LRRIQ1: variants seen among roughly 807,000 people sequenced by gnomAD.
LRRIQ1 encodes the protein leucine rich repeats and IQ motif containing 1.
In LRRIQ1, 210 loss-of-function variants were observed where a neutral mutation model predicts 211.9. The ratio of observed to expected loss-of-function variants is 0.99; its 90% CI spans 0.89 to 1.11. The LOEUF (loss-of-function observed/expected upper bound fraction) is 1.11. Ranked by LOEUF, LRRIQ1 falls within the 50% of genes most tolerant of loss-of-function variation. LRRIQ1 has a pLI of 0.00. For missense variants in LRRIQ1, 2,136 were observed against 1,939.5 expected (o/e 1.10, Z -1.90); for synonymous variants, 699 against 650.1 (o/e 1.08, Z -1.14).
At chr12:85,188,472 C>A (rs1171521850) in intron 24 of LRRIQ1, among the ~76,000 whole-genome samples, 1 of 152,024 alleles carries the variant, frequency 6.6e-6, no homozygotes, top group Non-Finnish European at 1.5e-5. Flanking sequence ...ATATAAAAAC[C>A]TTTGATTGTT....
intron 24 of LRRIQ1, among the ~76,000 whole-genome samples, chr12:85,176,204 C>T (rs1463218669): frequency 6.6e-6 from 1 of 151,960 alleles, no homozygotes; most frequent in African/African-American, 2.4e-5. Context: ...TGTAGTTCTC[C>T]TTGAGGAGGT....
intron 24 of LRRIQ1, among the ~76,000 whole-genome samples, chr12:85,212,366 C>G (rs755959392): frequency 6.6e-6 from 1 of 151,924 alleles, no homozygotes; most frequent in Admixed American, 6.6e-5. Flanking sequence ...CAGAATTACT[C>G]TAGGCAAAGA....
chr12:85,040,209 A>G (rs1472137765), intron 2 of LRRIQ1, among the ~76,000 whole-genome samples: 1 of 151,654 alleles, frequency 6.6e-6, no homozygotes, highest in African/African-American at 2.4e-5. Flanking sequence ...TATTGAGGGC[A>G]TTCAAAAATA....
At chr12:85,192,441 A>AATATATAT in intron 24 of LRRIQ1, among the ~76,000 whole-genome samples, 1 of 131,136 alleles carries the variant, frequency 7.6e-6, no homozygotes, top group East Asian at 2.1e-4. Context: ...TTTATATATA[A>AATATATAT]ATGTATATAG....
intron 24 of LRRIQ1, among the ~76,000 whole-genome samples, chr12:85,228,664 A>G (rs1469273987): frequency 6.6e-6 from 1 of 152,214 alleles, no homozygotes; most frequent in Non-Finnish European, 1.5e-5. Context: ...ATTCTGAATG[A>G]CACATGCTAA....
At chr12:85,242,030 AC>A (rs1300502152) in intron 26 of LRRIQ1, among the ~76,000 whole-genome samples, 1 of 151,958 alleles carries the variant, frequency 6.6e-6, no homozygotes, top group African/African-American at 2.4e-5. Context: ...GCAATTACAA[AC>A]CTTGTAGGTA....
chr12:85,250,939 TA>T (rs1319568786), intron 1 of LRRIQ1, among the ~76,000 whole-genome samples: 1 of 104,098 alleles, frequency 9.6e-6, no homozygotes, highest in Non-Finnish European at 1.7e-5. Context: ...ATATTATATA[TA>T]ATATATTTTA....
At chr12:85,117,437 C>A (rs1887661691) in intron 15 of LRRIQ1, among the ~76,000 whole-genome samples, 1 of 152,126 alleles carries the variant, frequency 6.6e-6, no homozygotes, top group African/African-American at 2.4e-5. Flanking sequence ...CTTCATATAA[C>A]TCCAAAAAGA....
At chr12:85,089,051 C>T (rs1367018177) in intron 11 of LRRIQ1, among the ~76,000 whole-genome samples, 1 of 152,118 alleles carries the variant, frequency 6.6e-6, no homozygotes, top group Non-Finnish European at 1.5e-5. Flanking sequence ...AGTTTTTGCC[C>T]ATTCAGTGTG....
intron 17 of LRRIQ1, among the ~76,000 whole-genome samples, chr12:85,126,704 G>T (rs1240448256): frequency 6.6e-6 from 1 of 151,972 alleles, no homozygotes; most frequent in Non-Finnish European, 1.5e-5. Flanking sequence ...GCCTTCTACT[G>T]GCCTTACATA....
chr12:85,210,194 G>A (rs1384874569), intron 24 of LRRIQ1, among the ~76,000 whole-genome samples: 2 of 152,074 alleles, frequency 1.3e-5, no homozygotes, highest in African/African-American at 4.8e-5. Flanking sequence ...TCCAGTCCTA[G>A]GATATTATGT....
At chr12:85,070,468 T>C (rs939382056) in intron 10 of LRRIQ1, among the ~76,000 whole-genome samples, 3 of 151,982 alleles carry the variant, frequency 2.0e-5, no homozygotes, top group Admixed American at 2.0e-4. Flanking sequence ...TATCCTGAAA[T>C]GGTTTGTAGC....
Position 85,065,337 on chromosome 12 carries a change from C to G in LRRIQ1, c.2467C>G (p.Leu823Val). Residue 823 changes from leucine (L) to valine (V), a missense_variant, in exon 9 of 27, where the codon CTA becomes GTA. Physicochemically the swap from Leu to Val is conservative, Grantham distance 32. Coordinates refer to ENST00000393217, the MANE Select transcript of LRRIQ1 (RefSeq NM_001079910.2). Reference protein sequence around the residue: ...TLAECTNLQFLSLRRCGLTSL... With the variant: ...TLAECTNLQFVSLRRCGLTSL... ...GGCAGAGTGTACAAATCTTCAGTTT[C>G]TATCCCTTCGACGCTGTGGATTAAC... 10 of 1,611,168 alleles carry G rather than the reference C, an allele frequency of 6.2e-6. No homozygotes were observed. The highest frequency in any genetic ancestry group is 8.5e-6 in the Non-Finnish European group (10 of 1,178,068).
At chr12:85,172,998 A>G (rs1032054336) in intron 24 of LRRIQ1, among the ~76,000 whole-genome samples, 1 of 151,968 alleles carries the variant, frequency 6.6e-6, no homozygotes, top group Non-Finnish European at 1.5e-5. Context: ...AGTCCCAGCT[A>G]CTCGGGAGGC....
chr12:85,107,590 C>A (rs145106076), intron 15 of LRRIQ1, among the ~76,000 whole-genome samples: 1 of 152,006 alleles, frequency 6.6e-6, no homozygotes, highest in East Asian at 1.9e-4. Flanking sequence ...AAATTTATGG[C>A]CATTTTTTTT....
intron 3 of LRRIQ1, among the ~76,000 whole-genome samples, chr12:85,040,826 G>C (rs1878794918): frequency 6.6e-6 from 1 of 150,594 alleles, no homozygotes; most frequent in African/African-American, 2.4e-5. Context: ...TCAGCATTTT[G>C]TTTCCGCAGT....
chr12:85,115,600 T>G (rs940101929), intron 15 of LRRIQ1, among the ~76,000 whole-genome samples: 12 of 152,152 alleles, frequency 7.9e-5, no homozygotes, highest in African/African-American at 2.4e-4. Flanking sequence ...TTCCCTAGAA[T>G]TGTTCCCCAT....
intron 17 of LRRIQ1, among the ~76,000 whole-genome samples, chr12:85,125,393 G>T (rs544424948): frequency 1.3e-5 from 2 of 152,172 alleles, no homozygotes; most frequent in African/African-American, 4.8e-5. Context: ...ATTTTAGAAA[G>T]CTAATGACTA....
chr12:85,221,964 A>G (rs1894426758), intron 24 of LRRIQ1, among the ~76,000 whole-genome samples: 1 of 152,136 alleles, frequency 6.6e-6, no homozygotes, highest in South Asian at 2.1e-4. Flanking sequence ...AGTAGAAACA[A>G]TGGTAGCCTG....
Sources: gnomAD v4.1 joint callset for allele counts (sites outside exome capture counted in the v4.1 genomes callset) on GRCh38, gnomAD v4.1.1 for gene constraint, MANE v1.5 for transcripts, NCBI Gene and HGNC (gene_info 2026-07-23, HGNC 2026-07-21) for gene names.